MTMR7: variants seen among roughly 807,000 people sequenced by gnomAD.
MTMR7 encodes the protein myotubularin related protein 7.
Under a neutral mutation model 81.2 loss-of-function variants are expected in MTMR7, and 76 were observed. The ratio of observed to expected loss-of-function variants is 0.94; its 90% CI spans 0.78 to 1.13. The LOEUF (loss-of-function observed/expected upper bound fraction) is 1.13. Among genes scored for constraint, MTMR7 ranks in the 50% most tolerant of loss-of-function variants. MTMR7 has a pLI of 0.00. For missense variants in MTMR7, 1,044 were observed against 820.0 expected, an observed-to-expected ratio of 1.27 and a Z score of -3.34; for synonymous variants, 372 against 289.8, an observed-to-expected ratio of 1.28 and a Z score of -2.88.
intron 3 of MTMR7, among the ~76,000 whole-genome samples, chr8:17,364,018 A>ATTTT (rs1257807634): frequency 1.9e-5 from 1 of 53,802 alleles, no homozygotes; most frequent in African/African-American, 1.2e-4. Flanking sequence ...AAGTGTTGCT[A>ATTTT]TTATTTTTTT....
chr8:17,337,491 GACA>G (rs1234561438), intron 6 of MTMR7, among the ~76,000 whole-genome samples: 3 of 152,080 alleles, frequency 2.0e-5, no homozygotes, highest in Non-Finnish European at 2.9e-5. Context: ...CGAAGACTGC[GACA>G]ACACCTTCAT....
At chr8:17,327,345 A>ACTGCAGCCTCAACCTC (rs1401950903) in intron 7 of MTMR7, among the ~76,000 whole-genome samples, 2 of 152,196 alleles carry the variant, frequency 1.3e-5, no homozygotes, top group African/African-American at 4.8e-5. Context: ...ATCATGGCTT[A>ACTGCAGCCTCAACCTC]CTGCAGCCTC....
intron 8 of MTMR7, among the ~76,000 whole-genome samples, 164 bp downstream of exon 8, chr8:17,313,128 C>T (rs1276364382): frequency 2.0e-5 from 3 of 152,208 alleles, no homozygotes; most frequent in Non-Finnish European, 4.4e-5. Context: ...TATTCTTTCG[C>T]AAAATCATAT....
intron 7 of MTMR7, among the ~76,000 whole-genome samples, chr8:17,328,018 G>T (rs1348293199): frequency 6.6e-6 from 1 of 152,144 alleles, no homozygotes; most frequent in Admixed American, 6.6e-5. Context: ...TTAGTTTAAT[G>T]AATACATTGA....
intron 1 of MTMR7, among the ~76,000 whole-genome samples, chr8:17,409,562 CTG>C (rs1234248405): frequency 6.6e-6 from 1 of 152,180 alleles, no homozygotes; most frequent in Non-Finnish European, 1.5e-5. Context: ...GTCCCAAGCA[CTG>C]TGTTAGGTGC....
intron 1 of MTMR7, among the ~76,000 whole-genome samples, chr8:17,399,599 T>C (rs1821361337): frequency 6.6e-6 from 1 of 152,158 alleles, no homozygotes; most frequent in East Asian, 1.9e-4. Flanking sequence ...AAAATGCCAA[T>C]GCCACTCTTG....
At chr8:17,399,314 C>G (rs1174780546) in intron 1 of MTMR7, among the ~76,000 whole-genome samples, 2 of 152,070 alleles carry the variant, frequency 1.3e-5, no homozygotes, top group African/African-American at 4.8e-5. Flanking sequence ...ATACGAAAAA[C>G]AGTAGCGTTC....
chr8:17,315,914 G>A (rs1049955065), intron 7 of MTMR7, among the ~76,000 whole-genome samples: 2 of 152,192 alleles, frequency 1.3e-5, no homozygotes, highest in Non-Finnish European at 2.9e-5. Flanking sequence ...TTGGGAGGCT[G>A]AGTTGAGAGG....
chr8:17,322,373 T>C (rs1033174998), intron 7 of MTMR7, among the ~76,000 whole-genome samples: 1 of 152,210 alleles, frequency 6.6e-6, no homozygotes, highest in Admixed American at 6.5e-5. Flanking sequence ...AGCAAGTTCA[T>C]AGAATAATGT....
At chr8:17,317,065 T>A (rs1818123284) in intron 7 of MTMR7, among the ~76,000 whole-genome samples, 1 of 152,252 alleles carries the variant, frequency 6.6e-6, no homozygotes, top group South Asian at 2.1e-4. Context: ...AGAATATTAA[T>A]GGCAGTTTTT....
chr8:17,302,678 A>G (rs1231135121), intron 12 of MTMR7, among the ~76,000 whole-genome samples: 2 of 136,600 alleles, frequency 1.5e-5, no homozygotes, highest in African/African-American at 5.3e-5. Flanking sequence ...ACGACCACTA[A>G]AAGTTGACAT....
At chr8:17,304,258 T>A (rs1328112649) in intron 12 of MTMR7, 121 bp downstream of exon 12, 1 of 1,076,686 alleles carries the variant, frequency 9.3e-7, no homozygotes, top group Admixed American at 2.4e-5. Context: ...CTCCCTCTGG[T>A]GTCTTTTGTG....
rs184571999 is a variant in MTMR7 at position 17,299,685 on chromosome 8, G to A, written c.*177C>T. ...TATATTTGATAAATGAAATGACTAC[G>A]TCCTCTTCAGTATCTAAGAAATCAA... On this transcript the variant is annotated 3_prime_UTR_variant, in exon 14 of 14. Coordinates refer to ENST00000180173, the MANE Select transcript of MTMR7 (RefSeq NM_004686.5). The A allele has an allele frequency of 2.7e-5, 20 of 754,580 alleles. No homozygotes were observed. Among genetic ancestry groups the A allele is most frequent in the East Asian group, 5.4e-5 (2 of 37,000 alleles). The allele number at this position is 754,580 out of a possible 1,614,324, so 46.7% of individuals were successfully genotyped here.
At chr8:17,388,307 G>T (rs1486743596) in intron 1 of MTMR7, among the ~76,000 whole-genome samples, 3 of 152,086 alleles carry the variant, frequency 2.0e-5, no homozygotes, top group Non-Finnish European at 4.4e-5. Context: ...CAAGCATAAA[G>T]AAGAGGAAAA....
At chr8:17,375,345 A>C (rs1421808980) in intron 1 of MTMR7, among the ~76,000 whole-genome samples, 2 of 152,312 alleles carry the variant, frequency 1.3e-5, no homozygotes, top group African/African-American at 4.8e-5. Context: ...TGAGGTCAAT[A>C]AAGAATTAGG....
chr8:17,399,152 A>G (rs1395853866), intron 1 of MTMR7, among the ~76,000 whole-genome samples: 1 of 151,990 alleles, frequency 6.6e-6, no homozygotes. Context: ...AGAGAAAAAA[A>G]AAATAAAGAG....
chr8:17,387,458 AAAGT>A (rs1820979164), intron 1 of MTMR7, among the ~76,000 whole-genome samples: 1 of 152,230 alleles, frequency 6.6e-6, no homozygotes, highest in African/African-American at 2.4e-5. Flanking sequence ...ACAACTTTGT[AAAGT>A]AAGGGGGAAA....
intron 3 of MTMR7, among the ~76,000 whole-genome samples, chr8:17,369,557 G>A (rs1820342025): frequency 2.0e-5 from 3 of 150,806 alleles, no homozygotes; most frequent in Admixed American, 1.3e-4. Flanking sequence ...CTACTTCTGT[G>A]TAGCACAACT....
intron 1 of MTMR7, among the ~76,000 whole-genome samples, chr8:17,408,900 T>C (rs1249107420): frequency 6.6e-6 from 1 of 152,202 alleles, no homozygotes; most frequent in East Asian, 1.9e-4. Flanking sequence ...ATGGTGGTGA[T>C]GTCTGCACAA....
Sources: allele counts gnomAD v4.1 joint callset (sites outside exome capture counted in the v4.1 genomes callset), GRCh38; gene constraint gnomAD v4.1.1; transcripts MANE v1.5; gene names NCBI Gene and HGNC (gene_info 2026-07-23, HGNC 2026-07-21).